Variants in IMPA2 observed in about 807,000 individuals in gnomAD.
The protein encoded by IMPA2 is inositol monophosphatase 2.
A neutral mutation model predicts 35.1 loss-of-function variants in IMPA2; 32 were observed. The ratio of observed to expected loss-of-function variants is 0.91; its 90% confidence interval spans 0.69 to 1.23. The LOEUF (loss-of-function observed/expected upper bound fraction) is 1.23. Among genes scored for constraint, IMPA2 ranks in the 50% most tolerant of loss-of-function variants. IMPA2 has a pLI of 0.00. For missense variants in IMPA2, 334 were observed against 387.6 expected (o/e 0.86, Z 1.16); for synonymous variants, 135 against 160.6 (o/e 0.84, Z 1.20).
chr18:11,995,403 A>G (rs622061), intron 1 of IMPA2, among the ~76,000 whole-genome samples: 71,092 of 152,178 alleles, frequency 0.47, 18,910 homozygotes, highest in African/African-American at 0.72. Context: ...CTGAGGCCAC[A>G]CGTATCCGCG....
At chr18:12,007,997 A>G (rs187468737) in intron 2 of IMPA2, among the ~76,000 whole-genome samples, 38 of 146,622 alleles carry the variant, frequency 2.6e-4, no homozygotes, top group African/African-American at 6.6e-4. Flanking sequence ...ATGGAGTCTC[A>G]CTCTCCCAGG....
At chr18:11,993,258 C>G (rs1356597215) in intron 1 of IMPA2, among the ~76,000 whole-genome samples, 1 of 152,208 alleles carries the variant, frequency 6.6e-6, no homozygotes, top group African/African-American at 2.4e-5. Context: ...CTGGAGTGTA[C>G]TTTATCCCTC....
intron 1 of IMPA2, among the ~76,000 whole-genome samples, chr18:11,984,958 A>G (rs940992119): frequency 7.6e-6 from 1 of 131,786 alleles, no homozygotes; most frequent in Non-Finnish European, 1.6e-5. Context: ...ACAGAGCAAG[A>G]CTCCGTCTCA....
At chr18:12,016,443 T>C (rs965980914) in intron 5 of IMPA2, among the ~76,000 whole-genome samples, 3 of 150,704 alleles carry the variant, frequency 2.0e-5, no homozygotes, top group African/African-American at 7.3e-5. Flanking sequence ...TTTTTTTTTC[T>C]GAGATGGAGT....
chr18:12,030,786 A>G lies in IMPA2; in HGVS notation c.*328A>G. On this transcript the variant is annotated 3_prime_UTR_variant, in exon 8 of 8. Transcript: ENST00000269159. The stretch of plus-strand genomic sequence containing the variant: ...TTTTTCCCCCCAGAATATAAATCTC[A>G]GGTAATAAGGCTTTAGAACTGCTGA... The G allele has an allele frequency of 3.5e-6, 1 of 287,742 alleles. No individual in the cohort carries two copies. Among genetic ancestry groups the G allele is most frequent in the Non-Finnish European group, 6.6e-6 (1 of 150,694 alleles). The allele number at this position is 287,742 out of a possible 1,614,324, so 17.8% of individuals were successfully genotyped here.
intron 1 of IMPA2, among the ~76,000 whole-genome samples, chr18:11,985,082 T>C (rs1039690286): frequency 7.1e-6 from 1 of 141,336 alleles, no homozygotes; most frequent in African/African-American, 2.7e-5. Flanking sequence ...ATGTGGAGGA[T>C]GCAGTGGTGA....
chr18:12,022,941 A>ATTTTTTTTAT (rs1907775110), intron 5 of IMPA2, among the ~76,000 whole-genome samples: 1 of 81,672 alleles, frequency 1.2e-5, no homozygotes, highest in Non-Finnish European at 2.3e-5. Flanking sequence ...CGCCTGCCTA[A>ATTTTTTTTAT]TTTTTTTTTT....
intron 1 of IMPA2, among the ~76,000 whole-genome samples, chr18:11,995,609 G>A (rs1271106731): frequency 6.6e-6 from 1 of 152,190 alleles, no homozygotes; most frequent in Non-Finnish European, 1.5e-5. Context: ...TGCTCTGCTG[G>A]GGAGACGCAT....
chr18:12,008,450 T>C, intron 2 of IMPA2: 1 of 496,780 alleles, frequency 2.0e-6, no homozygotes, highest in Non-Finnish European at 4.0e-6. Context: ...GCCCAAGGCC[T>C]CACCCTTAGT....
At chr18:12,007,436 C>T (rs72873572) in intron 2 of IMPA2, among the ~76,000 whole-genome samples, 21,918 of 152,100 alleles carry the variant, frequency 0.14, 1,813 homozygotes, top group African/African-American at 0.22. Context: ...AAGTCTCCAG[C>T]CTTATCCAAA....
At chr18:12,029,118 T>TG in intron 7 of IMPA2, 125 bp downstream of exon 7, 1 of 897,718 alleles carries the variant, frequency 1.1e-6, no homozygotes, top group Non-Finnish European at 1.6e-6. Context: ...GTTTTTTTTT[T>TG]TTTTTTTTTT....
chr18:11,999,483 C>T (rs142509693), intron 2 of IMPA2, among the ~76,000 whole-genome samples: 362 of 152,366 alleles, frequency 2.4e-3, no homozygotes, highest in African/African-American at 7.8e-3. Flanking sequence ...CTGTACTCAA[C>T]CATTTGTTAT....
chr18:11,999,066 G>T lies in IMPA2; in HGVS notation c.109G>T (p.Ala37Ser). 1 of 1,613,210 alleles carries T rather than the reference G, an allele frequency of 6.2e-7. No individual in the cohort carries two copies. Among genetic ancestry groups the T allele is most frequent in the Non-Finnish European group, 8.5e-7 (1 of 1,179,678 alleles). Residue 37 changes from alanine to serine, a missense_variant, in exon 2 of 8, where the codon GCC (alanine) becomes TCC (serine). Coordinates refer to ENST00000269159, the MANE Select transcript of IMPA2 (RefSeq NM_014214.3). Reference protein sequence around the residue: ...ALRAGQIIRKALTEEKRVSTK... With the variant: ...ALRAGQIIRKSLTEEKRVSTK... ...ACTTTTATTTCAGATCATCAGAAAA[G>T]CCCTTACTGAGGAAAAACGTGTCTC...
chr18:11,989,215 A>T (rs1056327808), intron 1 of IMPA2, among the ~76,000 whole-genome samples: 4 of 152,168 alleles, frequency 2.6e-5, no homozygotes, highest in Non-Finnish European at 5.9e-5. Flanking sequence ...CACAAATGCC[A>T]GTTTGTGGAG....
chr18:11,984,279 G>A (rs1463474983), intron 1 of IMPA2, among the ~76,000 whole-genome samples: 2 of 152,136 alleles, frequency 1.3e-5, no homozygotes, highest in East Asian at 1.9e-4. Context: ...TTCCGTGACC[G>A]TGGGGATCAT....
chr18:12,022,264 G>A (rs1238958021), intron 5 of IMPA2, among the ~76,000 whole-genome samples: 1 of 152,032 alleles, frequency 6.6e-6, no homozygotes, highest in East Asian at 1.9e-4. Context: ...GGGCCCGGTG[G>A]CTCACGCCTG....
intron 1 of IMPA2, among the ~76,000 whole-genome samples, chr18:11,989,757 A>C (rs1352922524): frequency 6.6e-6 from 1 of 152,026 alleles, no homozygotes; most frequent in African/African-American, 2.4e-5. Context: ...GCTCATCCCC[A>C]CGGGGAGAGT....
intron 2 of IMPA2, among the ~76,000 whole-genome samples, chr18:12,008,141 G>A (rs574951384): frequency 2.4e-4 from 37 of 151,942 alleles, no homozygotes; most frequent in Admixed American, 3.9e-4. Context: ...GAGTACAGGC[G>A]CCCACCACCA....
intron 7 of IMPA2, 50 bp from the exon 8 acceptor site, chr18:12,030,293 T>C (rs1426477459): frequency 1.4e-6 from 2 of 1,387,544 alleles, no homozygotes; most frequent in South Asian, 2.3e-5. Flanking sequence ...ACAACATTGT[T>C]CAGCCCTCTC....
Sources: allele counts gnomAD v4.1 joint callset (sites outside exome capture counted in the v4.1 genomes callset), GRCh38; gene constraint gnomAD v4.1.1; transcripts MANE v1.5; gene names NCBI Gene and HGNC (gene_info 2026-07-23, HGNC 2026-07-21).